ZBTB5: variants seen among roughly 807,000 people sequenced by gnomAD.
ZBTB5 encodes zinc finger and BTB domain-containing protein 5.
ZBTB5 carries 15 observed loss-of-function variants against 37.9 expected under a neutral mutation model. The observed-to-expected ratio is 0.40, with a 90% CI of 0.26 to 0.61. The LOEUF is 0.61. Ranked by LOEUF, ZBTB5 falls within the 20% of genes least tolerant of loss-of-function variation. The pLI, the probability that ZBTB5 is intolerant of heterozygous loss-of-function variation, is 0.47. For synonymous variants in ZBTB5, 315 were observed against 312.4 expected, an observed-to-expected ratio of 1.01 and a Z score of -0.09; for missense variants, 708 against 856.8, an observed-to-expected ratio of 0.83 and a Z score of 2.17.
chr9:37,458,005 G>C (rs1406206361), intron 1 of ZBTB5, among the ~76,000 whole-genome samples: 4 of 152,174 alleles, frequency 2.6e-5, no homozygotes. Flanking sequence ...AAGTATTTTA[G>C]GGTTTTTTTC....
At chr9:37,453,907 A>T (rs1485302087) in intron 1 of ZBTB5, among the ~76,000 whole-genome samples, 4 of 152,218 alleles carry the variant, frequency 2.6e-5, no homozygotes, top group African/African-American at 9.7e-5. Flanking sequence ...CCTGTTTGAG[A>T]ACGAAGCCAA....
intron 1 of ZBTB5, among the ~76,000 whole-genome samples, chr9:37,463,321 A>C (rs528786731): frequency 5.3e-5 from 8 of 152,352 alleles, no homozygotes; most frequent in Admixed American, 1.3e-4. Flanking sequence ...GCTCTACTAG[A>C]CAACATCCAT....
rs1473417414 is a variant in ZBTB5, at chr9:37,440,443, C to A, written c.*75G>T. 9 of 1,374,774 alleles carry A rather than the reference C, an allele frequency of 6.5e-6. No individual in the cohort carries two copies. Among genetic ancestry groups the A allele is most frequent in the Non-Finnish European group, 9.0e-6 (9 of 997,086 alleles). The allele number at this position is 1,374,774 out of a possible 1,614,324, so 85.2% of individuals were successfully genotyped here. On this transcript the variant is annotated 3_prime_UTR_variant, in exon 2 of 2. Transcript: ENST00000307750. ...ACTGGGCAGCTGGAAGCCTCGAACC[C>A]AAAGGCATTAACTGCTTACCAAAAG...
intron 1 of ZBTB5, among the ~76,000 whole-genome samples, chr9:37,447,121 CACAGTTCTG>C (rs1375483437): frequency 3.3e-5 from 5 of 152,236 alleles, no homozygotes; most frequent in Non-Finnish European, 7.3e-5. Flanking sequence ...TTAATTGACT[CACAGTTCTG>C]CATGGCTAAG....
intron 1 of ZBTB5, among the ~76,000 whole-genome samples, chr9:37,452,091 T>C (rs920054750): frequency 6.6e-6 from 1 of 152,202 alleles, no homozygotes; most frequent in African/African-American, 2.4e-5. Context: ...ACAGTTTAGC[T>C]TTAAACTGTA....
In ZBTB5 at chr9:37,442,482, A is replaced by C; in HGVS notation, c.70T>G (p.Cys24Gly). ...TTCCCCACTACAATGACACAATCAC[A>C]GAGCTGGCCATGAAGTCTCTGGTAG... ...LNYQRLHGQL[C>G]DCVIVVGNRH... The change falls in exon 2 of 2, where the codon TGT (cysteine) becomes GGT (glycine). Residue 24 changes from cysteine (C) to glycine (G), a missense_variant. Physicochemically the swap from Cys to Gly is radical, Grantham distance 159. Around this residue, in one of 3 missense-constraint regions of ZBTB5, gnomAD observed 27 missense variants for 58.4 expected, o/e 0.46. Transcript: ENST00000307750. The C allele has an allele frequency of 6.2e-7, 1 of 1,614,078 alleles. No individual in the cohort carries two copies. Among genetic ancestry groups the C allele is most frequent in the Non-Finnish European group, 8.5e-7 (1 of 1,179,934 alleles).
intron 1 of ZBTB5, among the ~76,000 whole-genome samples, chr9:37,448,406 G>C (rs141293489): frequency 1.2e-3 from 176 of 152,358 alleles, no homozygotes; most frequent in Non-Finnish European, 1.6e-3. Flanking sequence ...CAAATGTGAA[G>C]GGGGGAAGGG....
chr9:37,445,819 G>C (rs2118938162), intron 1 of ZBTB5, among the ~76,000 whole-genome samples: 1 of 152,128 alleles, frequency 6.6e-6, no homozygotes, highest in East Asian at 1.9e-4. Flanking sequence ...TGGAACTATA[G>C]GCTGGGTGTG....
chr9:37,440,460 T>C lies in ZBTB5; in HGVS notation c.*58A>G. On this transcript the variant is annotated 3_prime_UTR_variant, in exon 2 of 2. Coordinates refer to ENST00000307750, the MANE Select transcript of ZBTB5 (RefSeq NM_014872.3). ...CTCGAACCCAAAGGCATTAACTGCTTACCAAAAGAAATTCAGTCTGACAAC... is the reference window on the plus strand; with the variant it reads ...CTCGAACCCAAAGGCATTAACTGCTCACCAAAAGAAATTCAGTCTGACAAC... 6.5e-7 allele frequency: 1 copy of C among 1,537,886 alleles called. No individual in the cohort carries two copies. Among genetic ancestry groups the C allele is most frequent in the East Asian group, 2.3e-5 (1 of 44,142 alleles).
chr9:37,453,427 G>T (rs117265199), intron 1 of ZBTB5, among the ~76,000 whole-genome samples: 1 of 151,926 alleles, frequency 6.6e-6, no homozygotes, highest in Non-Finnish European at 1.5e-5. Flanking sequence ...GGATCCTTCC[G>T]CCTCAGCCTT....
chr9:37,442,390 T>C lies in ZBTB5; in HGVS notation c.162A>G (p.Ser54=), dbSNP rs1290234177. Residue 54 remains serine, a synonymous_variant, in exon 2 of 2, where the codon TCA becomes TCG. Coordinates refer to ENST00000307750, the MANE Select transcript of ZBTB5 (RefSeq NM_014872.3). ...ACSTHFRALF[S]VAEGDQTMNM... is the part of the protein sequence containing the mutation. ...TCATGGTCTGATCTCCTTCTGCCAC[T>C]GAGAACAGGGCTCGGAAATGCGTGC... 1.9e-6 allele frequency: 3 copies of C among 1,614,168 alleles called. No homozygotes were observed. Among genetic ancestry groups the C allele is most frequent in the East Asian group, 2.2e-5 (1 of 44,884 alleles).
chr9:37,441,127 G>A lies in ZBTB5; in HGVS notation c.1425C>T (p.Asp475=). 3 of 1,614,064 alleles carry A rather than the reference G, an allele frequency of 1.9e-6. No homozygotes were observed. The highest frequency in any genetic ancestry group is 1.7e-5 in the Admixed American group (1 of 59,998). Residue 475 remains aspartate, a synonymous_variant, in exon 2 of 2, where the codon GAC becomes GAT. Transcript: ENST00000307750. ...HVENPFSEPA[D]SHFVRPMQEV... is the part of the protein sequence containing the mutation. ...CCTGCATAGGCCTGACGAAGTGGGA[G>A]TCTGCAGGTTCACTAAATGGGTTCT...
At chr9:37,463,099 T>C (rs929583864) in intron 1 of ZBTB5, among the ~76,000 whole-genome samples, 3 of 152,198 alleles carry the variant, frequency 2.0e-5, no homozygotes, top group African/African-American at 7.2e-5. Flanking sequence ...AGGAAATACA[T>C]GTATAACTAA....
rs1823847334 is a variant in ZBTB5, at chr9:37,440,605, C to T, written c.1947G>A (p.Arg649=). 6.2e-7 allele frequency: 1 copy of T among 1,614,132 alleles called. No individual in the cohort carries two copies. Among genetic ancestry groups the T allele is most frequent in the South Asian group, 1.1e-5 (1 of 91,090 alleles). Reference sequence around the variant, plus strand: ...TATACAGGTGGCTGGACTGACTAAACCTCTTGCCACACTTCAGGCAGGCGT... The same window carrying T: ...TATACAGGTGGCTGGACTGACTAAATCTCTTGCCACACTTCAGGCAGGCGT... ...KPYACLKCGK[R]FSQSSHLYKH... Residue 649 remains arginine (R), a synonymous_variant, in exon 2 of 2, where the codon AGG becomes AGA. Coordinates refer to ENST00000307750, the MANE Select transcript of ZBTB5 (RefSeq NM_014872.3).
chr9:37,464,853 G>A (rs925628342), intron 1 of ZBTB5, among the ~76,000 whole-genome samples: 1 of 152,218 alleles, frequency 6.6e-6, no homozygotes, highest in Non-Finnish European at 1.5e-5. Context: ...CAAGGGAGCC[G>A]TCCGACCACA....
intron 1 of ZBTB5, among the ~76,000 whole-genome samples, chr9:37,455,191 G>A (rs1020358280): frequency 6.6e-6 from 1 of 152,154 alleles, no homozygotes; most frequent in Non-Finnish European, 1.5e-5. Flanking sequence ...ATGTGCAGAG[G>A]AGCATAAGAG....
At position 37,441,073 on chromosome 9, in the gene ZBTB5, A is replaced by T; in HGVS notation, c.1479T>A (p.Thr493=). ...ACTGTTCTCCTCCTTGGTAGCCTGA[A>T]GTCTGCACACACGGCAGGCCCATCA... ...QEVMGLPCVQ[T]SGYQGGEQFG... is the part of the protein sequence containing the mutation. Residue 493 remains threonine (T), a synonymous_variant, in exon 2 of 2, where the codon ACT becomes ACA. Coordinates refer to ENST00000307750, the MANE Select transcript of ZBTB5 (RefSeq NM_014872.3). 6.2e-7 allele frequency: 1 copy of T among 1,614,150 alleles called. No individual in the cohort carries two copies.
intron 1 of ZBTB5, among the ~76,000 whole-genome samples, chr9:37,450,267 G>A (rs967059159): frequency 4.6e-5 from 7 of 151,654 alleles, no homozygotes; most frequent in African/African-American, 9.7e-5. Context: ...TTCTTGGCCC[G>A]AGACAACGAA....
Position 37,439,129 on chromosome 9 carries a change from G to GAGTT in ZBTB5, c.*1385_*1388dup, listed in dbSNP as rs1281572963. ...CATGCATGAATTAAACTGACTTCAT[G>GAGTT]AGTTCTAGGGAGACGCATTAACCTG... On this transcript the variant is annotated 3_prime_UTR_variant, in exon 2 of 2. Transcript: ENST00000307750. 5 of 152,240 alleles carry GAGTT rather than the reference G, an allele frequency of 3.3e-5. No individual in the cohort carries two copies. The highest frequency in any genetic ancestry group is 7.3e-5 in the Non-Finnish European group (5 of 68,050). The allele number at this position is 152,240 out of a possible 1,614,324, so 9.4% of individuals were successfully genotyped here. A position where few individuals can be genotyped will look rare whatever the true frequency, so the allele number is the denominator to read the frequency against.
Sources: allele counts gnomAD v4.1 joint callset (sites outside exome capture counted in the v4.1 genomes callset), GRCh38; gene constraint gnomAD v4.1.1; regional missense constraint gnomAD v4.1.1; transcripts MANE v1.5; gene names NCBI Gene and HGNC (gene_info 2026-07-23, HGNC 2026-07-21).